Variants in WWOX observed in about 807,000 individuals in gnomAD.
WWOX encodes the protein WW domain containing oxidoreductase.
A neutral mutation model predicts 46.2 loss-of-function variants in WWOX; 69 were observed. The observed-to-expected ratio is 1.49, with a 90% CI of 1.23 to 1.82. The LOEUF is 1.82. Among genes scored for constraint, WWOX ranks in the 40% most tolerant of loss-of-function variants. The pLI, the probability that WWOX is intolerant of heterozygous loss-of-function variation, is 0.00. For missense variants in WWOX, 919 were observed against 542.6 expected, an observed-to-expected ratio of 1.69 and a Z score of -6.89; for synonymous variants, 359 against 202.6, an observed-to-expected ratio of 1.77 and a Z score of -6.56.
At position 78,522,323 on chromosome 16, in the gene WWOX, G is replaced by A. The variant is rs550084960; in HGVS notation, c.1056+89571G>A. Among the ~76,000 whole-genome samples the A allele has an allele frequency of 3.3e-5, 5 of 152,132 alleles. No individual in the cohort carries two copies. In the East Asian group the frequency reaches 9.7e-4, roughly 29 times the overall value. On this transcript the variant is annotated intron_variant, in intron 8 of 8. Coordinates refer to ENST00000566780, the MANE Select transcript of WWOX (RefSeq NM_016373.4). ...CATTTTGCTTAATTGAAGGCTTGCG[G>A]AACATTAAAGCACAACAAAAACCTA... is the stretch of plus-strand genomic sequence containing the variant.
chr16:78,962,889 C>G (rs1464744869), intron 8 of WWOX, among the ~76,000 whole-genome samples: 1 of 152,112 alleles, frequency 6.6e-6, no homozygotes, highest in African/African-American at 2.4e-5. Context: ...AAATAGTCAC[C>G]CAGTACGCAT....
intron 5 of WWOX, among the ~76,000 whole-genome samples, chr16:78,242,831 A>T (rs2037699029): frequency 6.6e-6 from 1 of 152,138 alleles, no homozygotes; most frequent in South Asian, 2.1e-4. Flanking sequence ...AACATGGTGA[A>T]ACCCTATCTC....
rs890202667 is a variant in WWOX at position 78,677,692 on chromosome 16, G to A, written c.1056+244940G>A. On this transcript the variant is annotated intron_variant, in intron 8 of 8. Transcript: ENST00000566780. ...ATCTCTGGTCTCTATCTTATCTCTTGTGATGAACTCAGGTCTATAAAGCAT... is the reference window on the plus strand; with the variant it reads ...ATCTCTGGTCTCTATCTTATCTCTTATGATGAACTCAGGTCTATAAAGCAT... Among the ~76,000 whole-genome samples the A allele has an allele frequency of 4.6e-5, 7 of 152,144 alleles. No individual in the cohort carries two copies. The East Asian group carries it at 9.6e-4, about 21-fold the overall frequency.
At chr16:78,277,839 C>G (rs1376107640) in intron 5 of WWOX, among the ~76,000 whole-genome samples, 1 of 152,188 alleles carries the variant, frequency 6.6e-6, no homozygotes, top group African/African-American at 2.4e-5. Flanking sequence ...TTTTACATAA[C>G]AGGCATCAGA....
chr16:78,524,499 C>T (rs2043416747), intron 8 of WWOX, among the ~76,000 whole-genome samples: 1 of 152,050 alleles, frequency 6.6e-6, no homozygotes, highest in Non-Finnish European at 1.5e-5. Flanking sequence ...CGGCTCACTG[C>T]AGCCTCTGCC....
At chr16:78,917,204 C>G (rs1040492525) in intron 8 of WWOX, among the ~76,000 whole-genome samples, 1 of 152,214 alleles carries the variant, frequency 6.6e-6, no homozygotes, top group African/African-American at 2.4e-5. Flanking sequence ...TCTTGGGTCA[C>G]ATGATCTACC....
intron 8 of WWOX, among the ~76,000 whole-genome samples, chr16:78,449,576 T>C (rs2083641929): frequency 6.6e-6 from 1 of 152,216 alleles, no homozygotes; most frequent in African/African-American, 2.4e-5. Context: ...AGTTTGTCTT[T>C]TCTTCGTTCT....
At chr16:79,016,440 T>A (rs1216012103) in intron 8 of WWOX, 1 of 152,332 alleles carries the variant, frequency 6.6e-6, no homozygotes, top group Non-Finnish European at 1.5e-5. Context: ...TCTTTTCTTT[T>A]GAGACAGAGT....
intron 8 of WWOX, among the ~76,000 whole-genome samples, chr16:78,559,253 A>G (rs979716224): frequency 1.5e-4 from 23 of 152,302 alleles, no homozygotes; most frequent in African/African-American, 4.6e-4. Context: ...GGGACCATGC[A>G]TGTATTTTAG....
At chr16:78,297,930 A>C (rs2079968184) in intron 5 of WWOX, among the ~76,000 whole-genome samples, 1 of 152,046 alleles carries the variant, frequency 6.6e-6, no homozygotes, top group African/African-American at 2.4e-5. Flanking sequence ...TGTAATCCCC[A>C]TGTGCTAGGG....
At chr16:78,811,929 T>G (rs1024441270) in intron 8 of WWOX, among the ~76,000 whole-genome samples, 4 of 152,186 alleles carry the variant, frequency 2.6e-5, no homozygotes, top group Non-Finnish European at 5.9e-5. Context: ...TAGGGTTCTT[T>G]TGAGGAATAA....
At chr16:78,354,234 C>A (rs1315847625) in intron 5 of WWOX, among the ~76,000 whole-genome samples, 1 of 151,656 alleles carries the variant, frequency 6.6e-6, no homozygotes, top group East Asian at 1.9e-4. Flanking sequence ...CAGCACCCCC[C>A]CACCCCTGCC....
Position 79,211,797 on chromosome 16 carries a change from G to T in WWOX, c.*1G>T, listed in dbSNP as rs768801024. On this transcript the variant is annotated 3_prime_UTR_variant, in exon 9 of 9. Transcript: ENST00000566780. Reference sequence around the variant, plus strand: ...ACGGCTTGGCAGCCAGTCCGGCTAAGTGGAGCTCAGAGCGGATGGGCACAC... The same window carrying T: ...ACGGCTTGGCAGCCAGTCCGGCTAATTGGAGCTCAGAGCGGATGGGCACAC... 38 of 1,613,958 alleles carry T rather than the reference G, an allele frequency of 2.4e-5. No individual in the cohort carries two copies. Among genetic ancestry groups the T allele is most frequent in the Non-Finnish European group, 3.1e-5 (37 of 1,179,980 alleles).
At chr16:78,499,947 A>G (rs936180025) in intron 8 of WWOX, among the ~76,000 whole-genome samples, 2 of 152,182 alleles carry the variant, frequency 1.3e-5, no homozygotes, top group African/African-American at 4.8e-5. Flanking sequence ...AATGGTCCTT[A>G]CCGTTCTGAG....
chr16:78,353,611 T>C (rs1290387585), intron 5 of WWOX, among the ~76,000 whole-genome samples: 1 of 152,236 alleles, frequency 6.6e-6, no homozygotes, highest in Non-Finnish European at 1.5e-5. Context: ...TGCAAAGACT[T>C]GGGGATAATT....
intron 4 of WWOX, among the ~76,000 whole-genome samples, chr16:78,140,891 T>G (rs919698191): frequency 6.6e-6 from 1 of 152,226 alleles, no homozygotes; most frequent in Admixed American, 6.5e-5. Context: ...GCTATCCAGA[T>G]GCATAGCAAT....
rs534490716 is a variant in WWOX at position 78,934,830 on chromosome 16, T to G, written c.1057-276778T>G. Among the ~76,000 whole-genome samples, 29 of 152,322 alleles carry G rather than the reference T, an allele frequency of 1.9e-4. No individual in the cohort carries two copies. The South Asian group carries it at 6.0e-3, about 32-fold the overall frequency. On this transcript the variant is annotated intron_variant, in intron 8 of 8. Coordinates refer to ENST00000566780, the MANE Select transcript of WWOX (RefSeq NM_016373.4). ...AAGAGAAGAAGCAGACTGGGCATGG[T>G]GGCTCGCATCTATAATCGCAGCACT...
intron 8 of WWOX, among the ~76,000 whole-genome samples, chr16:78,990,618 C>T (rs1433845065): frequency 6.6e-6 from 1 of 151,500 alleles, no homozygotes; most frequent in Non-Finnish European, 1.5e-5. Context: ...GTAGAGCGAA[C>T]AGGCCAGAAT....
At chr16:78,229,983 G>A (rs146607364) in intron 5 of WWOX, among the ~76,000 whole-genome samples, 8 of 151,978 alleles carry the variant, frequency 5.3e-5, no homozygotes, top group Non-Finnish European at 4.4e-5. Flanking sequence ...GGGCTCAAGC[G>A]ATCCTTCTGC....
Sources: gnomAD v4.1 joint callset for allele counts (sites outside exome capture counted in the v4.1 genomes callset) on GRCh38, gnomAD v4.1.1 for gene constraint, MANE v1.5 for transcripts, NCBI Gene and HGNC (gene_info 2026-07-23, HGNC 2026-07-21) for gene names.